TPO: variants seen among roughly 807,000 people sequenced by gnomAD.
TPO encodes thyroid peroxidase.
TPO carries 78 observed loss-of-function variants against 96.9 expected under a neutral mutation model. That is an observed-to-expected ratio of 0.81 (90% CI 0.67 to 0.97). The LOEUF (loss-of-function observed/expected upper bound fraction) is 0.97, where lower values mean the gene tolerates loss of function less well. TPO is among the 50% of genes least tolerant of loss of function. The probability of loss-of-function intolerance (pLI) is 0.00; values close to 1 mark genes in which losing one functional copy is unlikely to be tolerated. For missense variants in TPO, 1,252 were observed against 1,274.8 expected (o/e 0.98, Z 0.27); for synonymous variants, 547 against 538.0 (o/e 1.02, Z -0.23).
intron 1 of TPO, among the ~76,000 whole-genome samples, chr2:1,384,909 T>C (rs1256624665): frequency 1.3e-5 from 2 of 152,164 alleles, no homozygotes; most frequent in Non-Finnish European, 2.9e-5. Context: ...TTATTGAGAG[T>C]TTTTAGCATG....
intron 16 of TPO, chr2:1,541,016 G>C: frequency 7.3e-7 from 1 of 1,370,922 alleles, no homozygotes; most frequent in Non-Finnish European, 9.6e-7. Context: ...TCGGCTGGAA[G>C]CACAGGAGAG....
chr2:1,392,704 C>A (rs1196043626), intron 1 of TPO, among the ~76,000 whole-genome samples: 2 of 152,136 alleles, frequency 1.3e-5, no homozygotes. Flanking sequence ...GACTCAACTT[C>A]TTCCTGGTTT....
At chr2:1,521,146 T>C (rs1277323695) in intron 15 of TPO, among the ~76,000 whole-genome samples, 1 of 152,216 alleles carries the variant, frequency 6.6e-6, no homozygotes, top group African/African-American at 2.4e-5. Flanking sequence ...GTATGCATTA[T>C]AAATTCAAGA....
At chr2:1,526,803 A>T (rs1573562250) in intron 15 of TPO, among the ~76,000 whole-genome samples, 1 of 62,600 alleles carries the variant, frequency 1.6e-5, no homozygotes, top group Admixed American at 2.1e-4. Flanking sequence ...CAACCTCCCC[A>T]AATCCCCCCC....
intron 4 of TPO, 122 bp downstream of exon 4, chr2:1,433,729 CA>C: frequency 3.5e-6 from 4 of 1,135,942 alleles, no homozygotes; most frequent in Non-Finnish European, 3.8e-6. Context: ...GATGGGACTC[CA>C]GCTCTTTCAA....
chr2:1,438,678 G>A lies in TPO; in HGVS notation c.482+2294G>A, dbSNP rs530009922. ...TCCTTAAAGCAAATTGCAGTGGAGG[G>A]TGAATTACAGTGCTTGGGGAATCCC... is the stretch of plus-strand genomic sequence containing the variant. On this transcript the variant is annotated intron_variant, in intron 5 of 16. Transcript: ENST00000329066. The A allele has an allele frequency of 6.6e-6, 4 of 602,490 alleles. No individual in the cohort carries two copies. In the East Asian group the frequency reaches 8.3e-5, roughly 13 times the overall value. The allele number at this position is 602,490 out of a possible 1,614,324, so 37.3% of individuals were successfully genotyped here.
At chr2:1,470,976 A>C (rs767307438) in intron 7 of TPO, among the ~76,000 whole-genome samples, 1 of 152,182 alleles carries the variant, frequency 6.6e-6, no homozygotes. Flanking sequence ...GTTTTCATTT[A>C]TTCTTGGATT....
rs746253061 is a variant in TPO, at chr2:1,436,281, A to G, written c.379A>G (p.Ile127Val). 4.3e-6 allele frequency: 7 copies of G among 1,614,250 alleles called. No homozygotes were observed. The highest frequency in any genetic ancestry group is 1.3e-5 in the African/African-American group (1 of 75,070). Residue 127 changes from isoleucine (I) to valine (V), a missense_variant, in exon 5 of 17, where the codon ATT becomes GTT. Ile to Val is a conservative substitution (Grantham distance 29). Transcript: ENST00000329066. Reference protein sequence around the residue: ...DALSEDLLSIIANMSGCLPYM... With the variant: ...DALSEDLLSIVANMSGCLPYM... ...TTTATCAGAAGATCTGCTGAGCATC[A>G]TTGCAAACATGTCTGGATGTCTCCC...
intron 1 of TPO, among the ~76,000 whole-genome samples, chr2:1,382,478 A>T (rs1661825229): frequency 6.6e-6 from 1 of 152,194 alleles, no homozygotes. Flanking sequence ...ATGAGACATC[A>T]TGTCTTCATG....
At chr2:1,430,396 G>T (rs1277244841) in intron 3 of TPO, among the ~76,000 whole-genome samples, 2 of 152,228 alleles carry the variant, frequency 1.3e-5, no homozygotes, top group Admixed American at 1.3e-4. Flanking sequence ...CCATGAAAAA[G>T]CCTAGTGCCC....
intron 13 of TPO, among the ~76,000 whole-genome samples, chr2:1,501,201 C>T (rs1390819492): frequency 1.3e-5 from 2 of 150,946 alleles, no homozygotes; most frequent in African/African-American, 4.8e-5. Context: ...TCTGTGCACT[C>T]ACTGCATGTG....
chr2:1,437,841 G>T (rs1198974358), intron 5 of TPO, among the ~76,000 whole-genome samples: 1 of 152,182 alleles, frequency 6.6e-6, no homozygotes, highest in Non-Finnish European at 1.5e-5. Context: ...AGCCTGGGGG[G>T]GGGTCTGTGC....
At chr2:1,503,431 G>A (rs984347244) in intron 13 of TPO, among the ~76,000 whole-genome samples, 2 of 152,228 alleles carry the variant, frequency 1.3e-5, no homozygotes, top group African/African-American at 2.4e-5. Context: ...GGAAACATAC[G>A]CCTAGGGGAT....
intron 7 of TPO, among the ~76,000 whole-genome samples, chr2:1,459,802 A>C (rs1354339372): frequency 6.6e-6 from 1 of 152,200 alleles, no homozygotes; most frequent in African/African-American, 2.4e-5. Context: ...TGTCCCTGGG[A>C]GGAGGTCTCT....
At position 1,503,999 on chromosome 2, in the gene TPO, G is replaced by A; in HGVS notation, c.2438G>A (p.Arg813Lys). The change falls in exon 14 of 17, where the codon AGG becomes AAG. Residue 813 changes from arginine (R) to lysine (K), a missense_variant. Arg to Lys is a conservative substitution (Grantham distance 26). Transcript: ENST00000329066. ...CACCCCCCCTGCCACGCCTCTGCGA[G>A]GTGCAGAAACACCAAAGGCGGCTTC... The part of the protein sequence containing the change: ...GAHPPCHASA[R>K]CRNTKGGFQC... 1.2e-6 allele frequency: 2 copies of A among 1,614,204 alleles called. No homozygotes were observed. Among genetic ancestry groups the A allele is most frequent in the Non-Finnish European group, 1.7e-6 (2 of 1,180,040 alleles).
At position 1,433,624 on chromosome 2, in the gene TPO, T is replaced by C; in HGVS notation, c.349+17T>C. ...ATCCAACGGGTAATGTGTGCCCCTCTCCCCACTGAGGAGCGGCAACTCCCG... is the reference window on the plus strand; with the variant it reads ...ATCCAACGGGTAATGTGTGCCCCTCCCCCCACTGAGGAGCGGCAACTCCCG... On this transcript the variant is annotated intron_variant, in intron 4 of 16. Transcript: ENST00000329066. 1 of 1,612,018 alleles carries C rather than the reference T, an allele frequency of 6.2e-7. No homozygotes were observed. The highest frequency in any genetic ancestry group is 8.5e-7 in the Non-Finnish European group (1 of 1,178,844).
intron 5 of TPO, among the ~76,000 whole-genome samples, chr2:1,451,850 C>T (rs1667332406): frequency 6.6e-6 from 1 of 152,108 alleles, no homozygotes; most frequent in African/African-American, 2.4e-5. Flanking sequence ...TCTCATATTT[C>T]CTTCCAAATG....
At chr2:1,409,164 C>T (rs898628759), upstream of TPO, among the ~76,000 whole-genome samples, 4 of 152,182 alleles carry the variant, frequency 2.6e-5, no homozygotes, top group African/African-American at 4.8e-5. Flanking sequence ...AGAGGAGCCT[C>T]GCACGGGGAC....
At chr2:1,540,785 G>A in intron 16 of TPO, 62 bp downstream of exon 16, 2 of 1,612,810 alleles carry the variant, frequency 1.2e-6, no homozygotes, top group South Asian at 1.1e-5. Context: ...GGATCTGGGT[G>A]TCGGAGCAGC....
Sources: allele counts gnomAD v4.1 joint callset (sites outside exome capture counted in the v4.1 genomes callset), GRCh38; gene constraint gnomAD v4.1.1; transcripts MANE v1.5; gene names NCBI Gene and HGNC (gene_info 2026-07-23, HGNC 2026-07-21).